Variants in ICE1 observed in about 807,000 individuals in gnomAD.
ICE1 encodes interactor of little elongation complex ELL subunit 1, also known as little elongation complex subunit 1.
ICE1 carries 64 observed loss-of-function variants against 192.7 expected under a neutral mutation model. That is an observed-to-expected ratio of 0.33 (90% CI 0.27 to 0.41). The LOEUF (loss-of-function observed/expected upper bound fraction) is 0.41. Among genes scored for constraint, ICE1 ranks in the 10% least tolerant of loss-of-function variants. The pLI, the probability that ICE1 is intolerant of heterozygous loss-of-function variation, is 1.00. For synonymous variants in ICE1, 1,010 were observed against 984.5 expected, an observed-to-expected ratio of 1.03 and a Z score of -0.49; for missense variants, 2,708 against 2,696.0, an observed-to-expected ratio of 1.00 and a Z score of -0.10.
Position 5,463,159 on chromosome 5 carries a change from A to T in ICE1, c.3825A>T (p.Glu1275Asp), listed in dbSNP as rs1295183498. Residue 1275 changes from glutamate to aspartate, a missense_variant, in exon 13 of 19, where the codon GAA becomes GAT. Glu to Asp is a conservative substitution (Grantham distance 45, BLOSUM62 2). Transcript: ENST00000296564. ...KIRQELQTNS[E>D]DCNGKDTGSL... ...GGCAAGAACTTCAAACAAATTCTGA[A>T]GATTGCAATGGTAAAGATACTGGCA... 1.2e-6 allele frequency: 2 copies of T among 1,612,250 alleles called. No individual in the cohort carries two copies. The highest frequency in any genetic ancestry group is 1.7e-6 in the Non-Finnish European group (2 of 1,179,250).
At chr5:5,436,329 A>C in intron 1 of ICE1, 89 bp from the exon 2 acceptor site, 1 of 793,472 alleles carries the variant, frequency 1.3e-6, no homozygotes, top group African/African-American at 1.8e-5. Context: ...TAATTATTAA[A>C]ATTCTTAGAT....
intron 17 of ICE1, among the ~76,000 whole-genome samples, chr5:5,482,016 T>C (rs898854012): frequency 6.6e-6 from 1 of 152,240 alleles, no homozygotes; most frequent in Non-Finnish European, 1.5e-5. Flanking sequence ...GACTGTACTT[T>C]ACCTTTCATT....
chr5:5,468,273 G>A (rs186149638), intron 14 of ICE1, among the ~76,000 whole-genome samples: 31 of 152,282 alleles, frequency 2.0e-4, no homozygotes, highest in African/African-American at 7.0e-4. Flanking sequence ...TGCAGAGCAC[G>A]AGAGCGAGAG....
chr5:5,437,088 TA>T lies in ICE1; in HGVS notation c.154del (p.Thr52GlnfsTer44). The T allele has an allele frequency of 6.6e-7, 1 of 1,523,178 alleles. No homozygotes were observed. 94.4% of individuals were successfully genotyped at this position (1,523,178 alleles called of 1,614,324 possible). On this transcript the variant is annotated frameshift_variant, in exon 3 of 19. Transcript: ENST00000296564. LOFTEE classifies it high-confidence loss of function. ...KQKIINTDNL[L>X]TEYQKKCDEL... ...TCTTTTCTTTTTTGCAGTAATTTGT[TA>T]ACAGAATATCAGAAGAAATGTGATG... is the stretch of plus-strand genomic sequence containing the variant.
intron 17 of ICE1, among the ~76,000 whole-genome samples, chr5:5,478,047 C>T (rs1739369553): frequency 1.3e-5 from 2 of 152,180 alleles, no homozygotes; most frequent in South Asian, 4.1e-4. Context: ...TGGAAGCATT[C>T]CCTTTGAAAA....
Position 5,463,827 on chromosome 5 carries a change from G to T in ICE1, c.4493G>T (p.Ser1498Ile). 6.2e-7 allele frequency: 1 copy of T among 1,613,984 alleles called. No individual in the cohort carries two copies. ...NLSCPQEDVS[S>I]SGQSTNFDKS... The stretch of plus-strand genomic sequence containing the variant: ...TCATGTCCCCAAGAGGATGTTTCAA[G>T]CAGTGGTCAGAGCACCAACTTTGAT... Residue 1498 changes from serine (S) to isoleucine (I), a missense_variant, in exon 13 of 19, where the codon AGC (serine) becomes ATC (isoleucine). Ser to Ile is a moderately radical substitution (Grantham distance 142). Around this residue, in one of 2 missense-constraint regions of ICE1, gnomAD observed 2,366 missense variants for 2,276.6 expected, o/e 1.04. Coordinates refer to ENST00000296564, the MANE Select transcript of ICE1 (RefSeq NM_015325.3).
intron 10 of ICE1, among the ~76,000 whole-genome samples, chr5:5,448,315 A>G (rs897752255): frequency 6.6e-6 from 1 of 152,246 alleles, no homozygotes; most frequent in Non-Finnish European, 1.5e-5. Context: ...AAAGCCCTAT[A>G]TAGTATAGAC....
intron 14 of ICE1, among the ~76,000 whole-genome samples, chr5:5,467,815 A>G (rs1275933021): frequency 6.6e-6 from 1 of 152,250 alleles, no homozygotes; most frequent in Non-Finnish European, 1.5e-5. Flanking sequence ...TGTACAGCAA[A>G]CAGGATAAAA....
chr5:5,458,128 TGTAGCCGA>T (rs1379866978), intron 12 of ICE1, among the ~76,000 whole-genome samples: 1 of 152,232 alleles, frequency 6.6e-6, no homozygotes, highest in Non-Finnish European at 1.5e-5. Flanking sequence ...CTTAACCTGG[TGTAGCCGA>T]GTTTTCTACC....
chr5:5,460,604 G>A lies in ICE1; in HGVS notation c.1270G>A (p.Glu424Lys), dbSNP rs1378685286. The stretch of plus-strand genomic sequence containing the variant: ...ATGGGAGGAAAAGCCCAAATCACAT[G>A]AAGCTATCCAAGCTCTGAATACATG... Reference protein sequence around the residue: ...GTWEEKPKSHEAIQALNTWEV... With the variant: ...GTWEEKPKSHKAIQALNTWEV... Residue 424 changes from glutamate to lysine, a missense_variant, in exon 13 of 19, where the codon GAA becomes AAA. Physicochemically the swap from Glu to Lys is moderately conservative, Grantham distance 56 (BLOSUM62 1). This residue lies in a region of ICE1 where 2,366 missense variants were observed against 2,276.6 expected (regional missense o/e 1.04). Coordinates refer to ENST00000296564, the MANE Select transcript of ICE1 (RefSeq NM_015325.3). 2 of 1,613,382 alleles carry A rather than the reference G, an allele frequency of 1.2e-6. No homozygotes were observed. The highest frequency in any genetic ancestry group is 2.2e-5 in the South Asian group (2 of 90,960).
chr5:5,460,586 G>A lies in ICE1; in HGVS notation c.1252G>A (p.Glu418Lys), dbSNP rs1483187648. The change falls in exon 13 of 19, where the codon GAA (glutamate) becomes AAA (lysine). Residue 418 changes from glutamate to lysine, a missense_variant. Coordinates refer to ENST00000296564, the MANE Select transcript of ICE1 (RefSeq NM_015325.3). ...AAATAAAGGAAGTGGCACATGGGAG[G>A]AAAAGCCCAAATCACATGAAGCTAT... ...RKNKGSGTWE[E>K]KPKSHEAIQA... The A allele has an allele frequency of 1.9e-6, 3 of 1,613,178 alleles. No homozygotes were observed. Among genetic ancestry groups the A allele is most frequent in the Non-Finnish European group, 2.5e-6 (3 of 1,179,506 alleles).
chr5:5,441,160 T>G lies in ICE1; in HGVS notation c.246T>G (p.Ile82Met). The G allele has an allele frequency of 6.4e-7, 1 of 1,565,496 alleles. No homozygotes were observed. The highest frequency in any genetic ancestry group is 1.2e-5 in the South Asian group (1 of 84,812). The change falls in exon 5 of 19, where the codon ATT (isoleucine) becomes ATG (methionine). Residue 82 changes from isoleucine (I) to methionine (M), a missense_variant. By Grantham distance (10) the Ile-to-Met change is conservative (BLOSUM62 1). Transcript: ENST00000296564. ...AAGTGGAAGAGATGCTTCAAAAAAT[T>G]TCTCCTCTACAGAAATGTCAGGAAG... The part of the protein sequence containing the change: ...HHQVEEMLQK[I>M]SPLQKCQEEL...
intron 6 of ICE1, 23 bp from the exon 7 acceptor site, chr5:5,444,266 A>G (rs368677279): frequency 1.3e-6 from 2 of 1,531,486 alleles, no homozygotes; most frequent in African/African-American, 1.4e-5. Flanking sequence ...CTTGCCATTT[A>G]ACTTACACAA....
At chr5:5,430,104 G>A (rs775156086) in intron 1 of ICE1, among the ~76,000 whole-genome samples, 1 of 152,344 alleles carries the variant, frequency 6.6e-6, no homozygotes, top group South Asian at 2.1e-4. Flanking sequence ...ACAACCCTTA[G>A]TATCTCCTGG....
chr5:5,445,823 C>T, intron 7 of ICE1, among the ~76,000 whole-genome samples: 1 of 151,756 alleles, frequency 6.6e-6, no homozygotes, highest in East Asian at 1.9e-4. Context: ...ACCTCTGTCT[C>T]CCGGGTTCTG....
At chr5:5,470,379 T>G (rs1739125423) in intron 15 of ICE1, among the ~76,000 whole-genome samples, 1 of 152,240 alleles carries the variant, frequency 6.6e-6, no homozygotes, top group Non-Finnish European at 1.5e-5. Flanking sequence ...TCCTTTCACC[T>G]GTTCAGAATT....
intron 10 of ICE1, 142 bp downstream of exon 10, chr5:5,448,039 T>C (rs1318426453): frequency 1.6e-6 from 1 of 606,106 alleles, no homozygotes; most frequent in Non-Finnish European, 2.9e-6. Flanking sequence ...TATTATTGTG[T>C]CTTCATTAGA....
At chr5:5,473,848 A>G (rs1010333248) in intron 16 of ICE1, 100 bp downstream of exon 16, 2 of 775,192 alleles carry the variant, frequency 2.6e-6, no homozygotes, top group Admixed American at 3.6e-5. Flanking sequence ...TTAAGTGTGT[A>G]AGGCAGATGA....
Position 5,464,369 on chromosome 5 carries a change from C to G in ICE1, c.5035C>G (p.Pro1679Ala), listed in dbSNP as rs760658514. Residue 1679 changes from proline to alanine, a missense_variant, in exon 13 of 19, where the codon CCT becomes GCT. By Grantham distance (27) the Pro-to-Ala change is conservative. Transcript: ENST00000296564. The surrounding 1 kb of genome is among the most constrained non-coding windows in gnomAD (Gnocchi z 4.0). ...TCCCTTCCGTGAAACCCCAGTGCCT[C>G]CTGCCATGTCTCCATGGCCAGAGGA... ...VSPFRETPVP[P>A]AMSPWPEDPR... 4 of 1,613,850 alleles carry G rather than the reference C, an allele frequency of 2.5e-6. No individual in the cohort carries two copies. The highest frequency in any genetic ancestry group is 1.7e-5 in the Admixed American group (1 of 60,016).
Sources: allele counts gnomAD v4.1 joint callset (sites outside exome capture counted in the v4.1 genomes callset), GRCh38; gene constraint gnomAD v4.1.1; regional missense constraint gnomAD v4.1.1; non-coding constraint Gnocchi (gnomAD v3.1); transcripts MANE v1.5; gene names NCBI Gene and HGNC (gene_info 2026-07-23, HGNC 2026-07-21).